Variants in TLK1 observed in about 807,000 individuals in gnomAD.
The protein encoded by TLK1 is serine/threonine-protein kinase tousled-like 1.
Under a neutral mutation model 105.3 loss-of-function variants are expected in TLK1, and 24 were observed. The observed-to-expected ratio is 0.23, with a 90% confidence interval of 0.17 to 0.32. TLK1 has a LOEUF of 0.32. TLK1 is among the 10% of genes least tolerant of loss of function. The probability of loss-of-function intolerance (pLI) is 1.00; values close to 1 mark genes in which losing one functional copy is unlikely to be tolerated. For missense variants in TLK1, 558 were observed against 910.5 expected (o/e 0.61, Z 4.98); for synonymous variants, 321 against 310.4 (o/e 1.03, Z -0.36).
Position 171,055,187 on chromosome 2 carries a change from A to G in TLK1, c.550-15T>C. On this transcript the variant is annotated splice_polypyrimidine_tract_variant and intron_variant, in intron 6 of 20. Transcript: ENST00000431350. ...TTCGGTCGAACCTAAAGAAATTATTAAAATTTTTATATTAGCAAAAAAAAA... is the reference window on the plus strand; with the variant it reads ...TTCGGTCGAACCTAAAGAAATTATTGAAATTTTTATATTAGCAAAAAAAAA... 1 of 1,375,168 alleles carries G rather than the reference A, an allele frequency of 7.3e-7. No homozygotes were observed. Among genetic ancestry groups the G allele is most frequent in the Non-Finnish European group, 9.6e-7 (1 of 1,042,070 alleles). 85.2% of individuals were successfully genotyped at this position (1,375,168 alleles called of 1,614,324 possible).
At chr2:171,182,596 T>C (rs1467988524) in intron 1 of TLK1, among the ~76,000 whole-genome samples, 1 of 151,924 alleles carries the variant, frequency 6.6e-6, no homozygotes, top group Non-Finnish European at 1.5e-5. Context: ...GTACAAAACA[T>C]GGAATGTATC....
intron 14 of TLK1, 43 bp from the exon 15 acceptor site, chr2:171,007,106 G>A: frequency 6.7e-7 from 1 of 1,497,114 alleles, no homozygotes. Context: ...AAGACCAATT[G>A]AATAGCTGAA....
At chr2:171,086,638 CA>C (rs35913328) in intron 2 of TLK1, among the ~76,000 whole-genome samples, 90 of 108,884 alleles carry the variant, frequency 8.3e-4, no homozygotes, top group South Asian at 2.5e-3. Flanking sequence ...AAAAAACAAA[CA>C]AAAAAAAAAA....
At chr2:171,092,440 T>C (rs1243174056) in intron 2 of TLK1, among the ~76,000 whole-genome samples, 3 of 152,198 alleles carry the variant, frequency 2.0e-5, no homozygotes, top group Non-Finnish European at 4.4e-5. Context: ...CACTACTGGC[T>C]CTCTGTAGTT....
chr2:171,011,344 T>TAA, intron 14 of TLK1, 29 bp downstream of exon 14: 1 of 1,559,700 alleles, frequency 6.4e-7, no homozygotes, highest in Non-Finnish European at 8.8e-7. Context: ...TACATTAGTG[T>TAA]AAAAAAAACA....
chr2:171,091,707 G>C (rs1195478132), intron 2 of TLK1: 1 of 142,526 alleles, frequency 7.0e-6, no homozygotes. Context: ...GGATGGCGGG[G>C]GGGTGTCTTT....
chr2:171,176,566 CAT>C (rs1473967186), intron 1 of TLK1, among the ~76,000 whole-genome samples: 1 of 152,204 alleles, frequency 6.6e-6, no homozygotes, highest in African/African-American at 2.4e-5. Context: ...CCCACATCCA[CAT>C]AATTAAGTTC....
intron 16 of TLK1, 29 bp from the exon 17 acceptor site, chr2:171,006,672 C>T: frequency 6.2e-7 from 1 of 1,609,994 alleles, no homozygotes; most frequent in Non-Finnish European, 8.5e-7. Flanking sequence ...AAAAATTAGA[C>T]ATAAGTAATA....
At chr2:171,051,514 C>T (rs533255118) in intron 8 of TLK1, among the ~76,000 whole-genome samples, 25 of 152,214 alleles carry the variant, frequency 1.6e-4, no homozygotes, top group African/African-American at 6.0e-4. Context: ...ATAATTGTGA[C>T]CCTAATAGAT....
intron 1 of TLK1, among the ~76,000 whole-genome samples, chr2:171,194,589 G>A (rs1375664660): frequency 6.6e-6 from 1 of 152,034 alleles, no homozygotes; most frequent in Non-Finnish European, 1.5e-5. Flanking sequence ...AGGCCGAGGC[G>A]GGCGGATCAC....
At chr2:171,216,698 A>C (rs1388422209) in intron 1 of TLK1, among the ~76,000 whole-genome samples, 1 of 152,214 alleles carries the variant, frequency 6.6e-6, no homozygotes, top group East Asian at 1.9e-4. Flanking sequence ...TAATTAGTTA[A>C]GATGAGCTCA....
intron 1 of TLK1, among the ~76,000 whole-genome samples, chr2:171,121,759 G>C (rs866852247): frequency 5.4e-4 from 82 of 152,158 alleles, no homozygotes; most frequent in African/African-American, 2.0e-3. Context: ...GCCCTGCTTT[G>C]ACCTAGATCA....
At chr2:171,031,671 A>C (rs536956831) in intron 11 of TLK1, among the ~76,000 whole-genome samples, 1 of 152,322 alleles carries the variant, frequency 6.6e-6, no homozygotes, top group South Asian at 2.1e-4. Context: ...TTAAACCCCA[A>C]ACATAAGACT....
intron 1 of TLK1, among the ~76,000 whole-genome samples, chr2:171,219,180 T>G (rs1693764951): frequency 6.6e-6 from 1 of 152,174 alleles, no homozygotes; most frequent in Non-Finnish European, 1.5e-5. Context: ...ACCAGAAGTT[T>G]GAAATCAGCT....
chr2:171,146,200 T>C (rs1691783441), intron 1 of TLK1, among the ~76,000 whole-genome samples: 1 of 152,208 alleles, frequency 6.6e-6, no homozygotes. Context: ...GAAGTGTGCC[T>C]GAAGTCCTAG....
chr2:171,194,543 C>G (rs574654091), intron 1 of TLK1, among the ~76,000 whole-genome samples: 1 of 152,068 alleles, frequency 6.6e-6, no homozygotes, highest in Admixed American at 6.5e-5. Context: ...GTGGGCTGGG[C>G]GCGGTGGCTC....
intron 3 of TLK1, chr2:171,066,806 A>G (rs1230377793): frequency 6.5e-7 from 1 of 1,546,582 alleles, no homozygotes; most frequent in South Asian, 1.2e-5. Context: ...CTATAAAATT[A>G]GAATAAAGTT....
Position 170,993,696 on chromosome 2 carries a change from AG to A in TLK1, c.*83del, listed in dbSNP as rs374842264. On this transcript the variant is annotated 3_prime_UTR_variant, in exon 21 of 21. Transcript: ENST00000431350. Reference sequence around the variant, plus strand: ...AAAAAAAAAAAAAAAAAAAAGAAAAAGAAAACAAACACTCAAATGCTCTCAA... The same window carrying A: ...AAAAAAAAAAAAAAAAAAAAGAAAAAAAAACAAACACTCAAATGCTCTCAA... 7.0e-5 allele frequency: 78 copies of A among 1,119,306 alleles called. No individual in the cohort carries two copies. Among genetic ancestry groups the A allele is most frequent in the Admixed American group, 2.3e-4 (8 of 35,296 alleles). The allele number at this position is 1,119,306 out of a possible 1,614,324, so 69.3% of individuals were successfully genotyped here.
intron 18 of TLK1, among the ~76,000 whole-genome samples, chr2:171,001,954 T>A (rs1684397259): frequency 1.3e-5 from 2 of 152,224 alleles, no homozygotes; most frequent in Non-Finnish European, 2.9e-5. Flanking sequence ...CTAATTTTTG[T>A]ATTTTTGATA....
Sources: gnomAD v4.1 joint callset for allele counts (sites outside exome capture counted in the v4.1 genomes callset) on GRCh38, gnomAD v4.1.1 for gene constraint, MANE v1.5 for transcripts, NCBI Gene and HGNC (gene_info 2026-07-23, HGNC 2026-07-21) for gene names.